Variants in TMEM30A observed in about 807,000 individuals in gnomAD.
TMEM30A encodes cell division cycle 50 P4-ATPase accessory subunit A.
A neutral mutation model predicts 38.2 loss-of-function variants in TMEM30A; 24 were observed. The ratio of observed to expected loss-of-function variants is 0.63; its 90% CI spans 0.46 to 0.88. The LOEUF (loss-of-function observed/expected upper bound fraction) is 0.88. Ranked by LOEUF, TMEM30A falls within the 40% of genes least tolerant of loss-of-function variation. The probability of loss-of-function intolerance (pLI) is 0.00; values close to 1 mark genes in which losing one functional copy is unlikely to be tolerated. For synonymous variants in TMEM30A, 145 were observed against 161.6 expected (o/e 0.90, Z 0.78); for missense variants, 370 against 458.6 (o/e 0.81, Z 1.77).
intron 3 of TMEM30A, among the ~76,000 whole-genome samples, chr6:75,264,626 ACT>A (rs1180667191): frequency 4.0e-5 from 6 of 151,728 alleles, no homozygotes; most frequent in African/African-American, 1.2e-4. Context: ...ATAGAGTGAG[ACT>A]CTGTCTCAAA....
At chr6:75,269,761 C>G (rs1438707681) in intron 1 of TMEM30A, among the ~76,000 whole-genome samples, 1 of 152,132 alleles carries the variant, frequency 6.6e-6, no homozygotes. Context: ...GTGGCACAAT[C>G]TCGGCTCACT....
intron 1 of TMEM30A, among the ~76,000 whole-genome samples, chr6:75,276,492 G>A (rs1304950990): frequency 1.3e-5 from 2 of 152,198 alleles, no homozygotes; most frequent in African/African-American, 2.4e-5. Context: ...GAAATTATAG[G>A]ACACCCAATT....
Position 75,253,367 on chromosome 6 carries a change from T to C in TMEM30A, c.*2735A>G, listed in dbSNP as rs962438124. On this transcript the variant is annotated 3_prime_UTR_variant, in exon 7 of 7. Transcript: ENST00000230461. ...ATTCCCCTTGATCTAATACCAAACT[T>C]AGCCAGTCTAACTGTAACTCAGATG... 6.6e-6 allele frequency: 1 copy of C among 152,218 alleles called. No individual in the cohort carries two copies. Among genetic ancestry groups the C allele is most frequent in the Admixed American group, 6.6e-5 (1 of 15,266 alleles). 9.4% of individuals were successfully genotyped at this position (152,218 alleles called of 1,614,324 possible).
chr6:75,280,479 AT>A (rs35043177), intron 1 of TMEM30A, among the ~76,000 whole-genome samples: 1 of 152,162 alleles, frequency 6.6e-6, no homozygotes, highest in Non-Finnish European at 1.5e-5. Context: ...AATATGTACA[AT>A]TTTTTGGTAA....
intron 1 of TMEM30A, among the ~76,000 whole-genome samples, chr6:75,271,958 A>G (rs536613956): frequency 6.2e-4 from 95 of 152,350 alleles, no homozygotes; most frequent in African/African-American, 2.0e-3. Flanking sequence ...CATAAAAGAA[A>G]GATGGAAAAG....
chr6:75,280,221 T>C (rs924429845), intron 1 of TMEM30A, among the ~76,000 whole-genome samples: 3 of 152,168 alleles, frequency 2.0e-5, no homozygotes, highest in Non-Finnish European at 2.9e-5. Context: ...TGAACAATTA[T>C]TGAGGACTAG....
In TMEM30A at chr6:75,255,893, A is replaced by C; in HGVS notation, c.*209T>G. ...CCATTTCAGCAGTTACAGTGTTGAT[A>C]TGATCAATATAGCTAATTTTTTTAT... On this transcript the variant is annotated 3_prime_UTR_variant, in exon 7 of 7. Transcript: ENST00000230461. The C allele has an allele frequency of 4.5e-6, 2 of 442,688 alleles. No individual in the cohort carries two copies. Among genetic ancestry groups the C allele is most frequent in the Non-Finnish European group, 8.0e-6 (2 of 248,714 alleles). The allele number at this position is 442,688 out of a possible 1,614,324, so 27.4% of individuals were successfully genotyped here.
Position 75,284,603 on chromosome 6 carries a change from G to A in TMEM30A, c.36C>T (p.Asp12=), listed in dbSNP as rs1772431024. ...AMNYNAKDEV[D]GGPPCAPGGT... is the part of the protein sequence containing the mutation. ...CCCCCGGAGCACACGGGGGCCCACC[G>A]TCCACTTCATCCTTCGCGTTATAGT... is the stretch of plus-strand genomic sequence containing the variant. The change falls in exon 1 of 7, where the codon GAC becomes GAT. Residue 12 remains aspartate, a synonymous_variant. Coordinates refer to ENST00000230461, the MANE Select transcript of TMEM30A (RefSeq NM_018247.4). The A allele has an allele frequency of 1.2e-6, 2 of 1,613,748 alleles. No individual in the cohort carries two copies. Among genetic ancestry groups the A allele is most frequent in the South Asian group, 1.1e-5 (1 of 91,078 alleles).
In TMEM30A at chr6:75,265,246, A is replaced by G. The variant is rs1199640468; in HGVS notation, c.438T>C (p.Asp146=). ...TTTTACTTACAAGCAAAGCACTAGA[A>G]TCTCCATTTAGTTGACTATCATCTC... The part of the protein sequence containing the change: ...KSRDDSQLNG[D]SSALLNPSKE... The change falls in exon 3 of 7, where the codon GAT becomes GAC. Residue 146 remains aspartate (D), a synonymous_variant. Coordinates refer to ENST00000230461, the MANE Select transcript of TMEM30A (RefSeq NM_018247.4). 6.2e-7 allele frequency: 1 copy of G among 1,601,620 alleles called. No individual in the cohort carries two copies. The highest frequency in any genetic ancestry group is 1.3e-5 in the African/African-American group (1 of 74,678).
chr6:75,260,050 A>G (rs1405197163), intron 4 of TMEM30A, among the ~76,000 whole-genome samples: 2 of 152,230 alleles, frequency 1.3e-5, no homozygotes, highest in African/African-American at 2.4e-5. Flanking sequence ...TACATAAAAC[A>G]TATTGCTAAA....
intron 1 of TMEM30A, among the ~76,000 whole-genome samples, chr6:75,283,582 G>A (rs976568633): frequency 4.0e-5 from 6 of 151,754 alleles, no homozygotes; most frequent in Non-Finnish European, 5.9e-5. Context: ...ATTCAGCAAA[G>A]TTAATATCAG....
chr6:75,278,223 C>G (rs1459057227), intron 1 of TMEM30A, among the ~76,000 whole-genome samples: 1 of 152,192 alleles, frequency 6.6e-6, no homozygotes. Flanking sequence ...TGAGATCTAG[C>G]TCTCATCCTG....
chr6:75,275,427 T>A (rs898336513), intron 1 of TMEM30A, among the ~76,000 whole-genome samples: 1 of 152,144 alleles, frequency 6.6e-6, no homozygotes, highest in African/African-American at 2.4e-5. Flanking sequence ...TGGCATCTCA[T>A]CCTAACAAGT....
rs192158058 is a variant in TMEM30A at position 75,271,570 on chromosome 6, C to T, written c.238-3822G>A. On this transcript the variant is annotated intron_variant, in intron 1 of 6. Coordinates refer to ENST00000230461, the MANE Select transcript of TMEM30A (RefSeq NM_018247.4). ...CAAGATACACACAAAAGCAATCATA[C>T]GTTATACAGTTTACACAGCCTGTTC... Among the ~76,000 whole-genome samples, 277 of 152,240 alleles carry T rather than the reference C, an allele frequency of 1.8e-3. 1 individual carries two copies. The highest frequency in any genetic ancestry group is 6.0e-3 in the African/African-American group (251 of 41,546).
At chr6:75,276,432 A>G (rs1772260584) in intron 1 of TMEM30A, among the ~76,000 whole-genome samples, 1 of 152,150 alleles carries the variant, frequency 6.6e-6, no homozygotes, top group African/African-American at 2.4e-5. Flanking sequence ...CTGAGCCCCT[A>G]CCCTGTGGGA....
At chr6:75,274,715 T>C (rs1044169462) in intron 1 of TMEM30A, among the ~76,000 whole-genome samples, 2 of 152,156 alleles carry the variant, frequency 1.3e-5, no homozygotes, top group Admixed American at 6.5e-5. Flanking sequence ...CTGCTTTTCA[T>C]GTCACTAAAT....
intron 1 of TMEM30A, among the ~76,000 whole-genome samples, chr6:75,277,057 A>T (rs1036737085): frequency 2.6e-5 from 4 of 152,124 alleles, no homozygotes; most frequent in Non-Finnish European, 5.9e-5. Flanking sequence ...TAAACCATCA[A>T]CCCTTCCTTC....
chr6:75,280,799 C>T (rs1043113752), intron 1 of TMEM30A, among the ~76,000 whole-genome samples: 1 of 152,144 alleles, frequency 6.6e-6, no homozygotes, highest in Non-Finnish European at 1.5e-5. Flanking sequence ...AGTGCCTAAT[C>T]TTTAACGATA....
In TMEM30A at chr6:75,255,066, G is replaced by A. The variant is rs1032233644; in HGVS notation, c.*1036C>T. 2 of 152,474 alleles carry A rather than the reference G, an allele frequency of 1.3e-5. No homozygotes were observed. Among genetic ancestry groups the A allele is most frequent in the African/African-American group, 4.8e-5 (2 of 41,438 alleles). The allele number at this position is 152,474 out of a possible 1,614,324, so 9.4% of individuals were successfully genotyped here. A position where few individuals can be genotyped will look rare whatever the true frequency, so the allele number is the denominator to read the frequency against. On this transcript the variant is annotated 3_prime_UTR_variant, in exon 7 of 7. Coordinates refer to ENST00000230461, the MANE Select transcript of TMEM30A (RefSeq NM_018247.4). ...ACTAAAGAGAATGTGCATACACATT[G>A]CTATTTGACCTATATGCAAAAGTGG... is the stretch of plus-strand genomic sequence containing the variant.
Sources: allele counts gnomAD v4.1 joint callset (sites outside exome capture counted in the v4.1 genomes callset), GRCh38; gene constraint gnomAD v4.1.1; transcripts MANE v1.5; gene names NCBI Gene and HGNC (gene_info 2026-07-23, HGNC 2026-07-21).